Variants in ARHGEF17 observed in about 807,000 individuals in gnomAD.
The protein encoded by ARHGEF17 is Rho guanine nucleotide exchange factor 17, also known as 164 kDa Rho-specific guanine-nucleotide exchange factor.
Under a neutral mutation model 174.0 loss-of-function variants are expected in ARHGEF17, and 80 were observed. The observed-to-expected ratio is 0.46, with a 90% CI of 0.38 to 0.55. The LOEUF (loss-of-function observed/expected upper bound fraction) is 0.55, where lower values mean the gene tolerates loss of function less well. Ranked by LOEUF, ARHGEF17 falls within the 20% of genes least tolerant of loss-of-function variation. ARHGEF17 has a pLI of 0.00. For synonymous variants in ARHGEF17, 1,311 were observed against 1,189.1 expected (o/e 1.10, Z -2.11); for missense variants, 2,886 against 2,839.7 (o/e 1.02, Z -0.37).
At chr11:73,318,026 T>A (rs1489862295) in intron 1 of ARHGEF17, among the ~76,000 whole-genome samples, 2 of 152,088 alleles carry the variant, frequency 1.3e-5, no homozygotes, top group Non-Finnish European at 2.9e-5. Context: ...CACAGAGCTG[T>A]CCATGCTCTT....
intron 1 of ARHGEF17, among the ~76,000 whole-genome samples, chr11:73,340,193 T>C (rs1395262573): frequency 6.6e-6 from 1 of 152,166 alleles, no homozygotes; most frequent in Non-Finnish European, 1.5e-5. Context: ...TTCTCTTTGC[T>C]TCCTTTCATC....
At chr11:73,354,864 G>A (rs74776668) in intron 3 of ARHGEF17, among the ~76,000 whole-genome samples, 11,717 of 152,296 alleles carry the variant, frequency 0.077, 584 homozygotes, top group Non-Finnish European at 0.1. Context: ...TATTTAGTCC[G>A]CCATCAGCAT....
intron 17 of ARHGEF17, 93 bp downstream of exon 17, chr11:73,364,332 C>T (rs1469817192): frequency 1.9e-6 from 3 of 1,599,850 alleles, no homozygotes; most frequent in East Asian, 4.5e-5. Context: ...ACTCCCAGGC[C>T]CTCTGTGGGC....
rs956577976 is a variant in ARHGEF17, at chr11:73,308,827, T to G, written c.189T>G (p.Ser63=). The change falls in exon 1 of 21, where the codon TCT becomes TCG. Residue 63 remains serine, a synonymous_variant. Transcript: ENST00000263674. ...CTCGGCGCGTGTCCAAGCTGGCGTC[T>G]GGGCCCCTGGCCGCCCCCGCGCAGC... ...QPSRRVSKLA[S]GPLAAPAQPR... The G allele has an allele frequency of 1.4e-5, 19 of 1,343,446 alleles. No homozygotes were observed. The African/African-American group carries it at 2.8e-4, about 20-fold the overall frequency. 83.2% of individuals were successfully genotyped at this position (1,343,446 alleles called of 1,614,324 possible).
In ARHGEF17 at chr11:73,310,621, C is replaced by T. The variant is rs1237505458; in HGVS notation, c.1983C>T (p.Gly661=). Residue 661 remains glycine (G), a synonymous_variant, in exon 1 of 21, where the codon GGC becomes GGT. Transcript: ENST00000263674. ...DPEPPVAAFC[G]LGTTGMWRPL... The stretch of plus-strand genomic sequence containing the variant: ...AGCCTCCTGTTGCAGCATTTTGCGG[C>T]CTGGGTACCACAGGGATGTGGCGAC... 2 of 1,614,146 alleles carry T rather than the reference C, an allele frequency of 1.2e-6. No homozygotes were observed. The highest frequency in any genetic ancestry group is 1.1e-5 in the South Asian group (1 of 91,088).
intron 1 of ARHGEF17, among the ~76,000 whole-genome samples, chr11:73,319,358 G>C (rs1049649687): frequency 1.1e-4 from 17 of 151,848 alleles, no homozygotes; most frequent in Non-Finnish European, 1.8e-4. Flanking sequence ...CACTGCGCCC[G>C]GCCTCCTTCC....
At position 73,311,761 on chromosome 11, in the gene ARHGEF17, G is replaced by A. The variant is rs756952842; in HGVS notation, c.3123G>A (p.Lys1041=). 30 of 1,612,484 alleles carry A rather than the reference G, an allele frequency of 1.9e-5. No individual in the cohort carries two copies. In the East Asian group the frequency reaches 6.7e-4, roughly 36 times the overall value. Residue 1041 remains lysine (K), a synonymous_variant, in exon 1 of 21, where the codon AAG becomes AAA. Transcript: ENST00000263674. ...PLAAPPSAEA[K]PPEAARPADE... is the part of the protein sequence containing the mutation. Reference sequence around the variant, plus strand: ...CTGCACCGCCCTCTGCTGAGGCCAAGCCCCCTGAGGCAGCTCGGCCTGCAG... The same window carrying A: ...CTGCACCGCCCTCTGCTGAGGCCAAACCCCCTGAGGCAGCTCGGCCTGCAG...
chr11:73,364,671 C>A (rs1865807239), intron 18 of ARHGEF17, 71 bp downstream of exon 18: 2 of 1,536,032 alleles, frequency 1.3e-6, no homozygotes, highest in Admixed American at 2.1e-5. Context: ...GAGATGGAGA[C>A]CATGGTAGGG....
rs1391405618 is a variant in ARHGEF17, at chr11:73,367,624, T to C, written c.6036T>C (p.Pro2012=). The change falls in exon 21 of 21, where the codon CCT becomes CCC. Residue 2012 remains proline, a synonymous_variant. Coordinates refer to ENST00000263674, the MANE Select transcript of ARHGEF17 (RefSeq NM_014786.4). ...CATCACTGGAGCACCGGGACTCCCC[T>C]TGGCACCGAGGCCCCGCCCCTGCCA... ...KLPSLEHRDS[P]WHRGPAPARP... 1 of 1,613,804 alleles carries C rather than the reference T, an allele frequency of 6.2e-7. No homozygotes were observed. The highest frequency in any genetic ancestry group is 8.5e-7 in the Non-Finnish European group (1 of 1,179,908).
At chr11:73,351,034 C>T (rs931070342) in intron 2 of ARHGEF17, among the ~76,000 whole-genome samples, 1 of 152,150 alleles carries the variant, frequency 6.6e-6, no homozygotes, top group Admixed American at 6.5e-5. Context: ...GCTGTGTGCC[C>T]GCTTCTGTGT....
At chr11:73,350,152 TG>T (rs1865529362) in intron 2 of ARHGEF17, among the ~76,000 whole-genome samples, 1 of 152,270 alleles carries the variant, frequency 6.6e-6, no homozygotes, top group Admixed American at 6.5e-5. Flanking sequence ...ATTTAATCTT[TG>T]TATTAACCTT....
At chr11:73,325,586 C>A (rs985380030) in intron 1 of ARHGEF17, among the ~76,000 whole-genome samples, 1 of 152,230 alleles carries the variant, frequency 6.6e-6, no homozygotes, top group African/African-American at 2.4e-5. Flanking sequence ...ACTTTTCAAT[C>A]CCCAGCAGAT....
rs1376709336 is a variant in ARHGEF17, at chr11:73,347,269, C to T, written c.3270+309C>T. 8 of 475,560 alleles carry T rather than the reference C, an allele frequency of 1.7e-5. No homozygotes were observed. In the East Asian group the frequency reaches 1.7e-4, roughly 10 times the overall value. 29.5% of individuals were successfully genotyped at this position (475,560 alleles called of 1,614,324 possible). Reference sequence around the variant, plus strand: ...GATCCGTGAACTCCCTCTGATGTGCCGCCTCCATTGTATTCACTGACTGGG... The same window carrying T: ...GATCCGTGAACTCCCTCTGATGTGCTGCCTCCATTGTATTCACTGACTGGG... On this transcript the variant is annotated intron_variant, in intron 2 of 20. Coordinates refer to ENST00000263674, the MANE Select transcript of ARHGEF17 (RefSeq NM_014786.4).
At chr11:73,361,278 G>A in intron 12 of ARHGEF17, 117 bp downstream of exon 12, 1 of 913,420 alleles carries the variant, frequency 1.1e-6, no homozygotes, top group Non-Finnish European at 1.7e-6. Context: ...CTTATGTCTT[G>A]GAGAATTCAG....
At chr11:73,367,166 T>C (rs184831433) in intron 20 of ARHGEF17, among the ~76,000 whole-genome samples, 70 of 152,118 alleles carry the variant, frequency 4.6e-4, no homozygotes, top group Non-Finnish European at 8.8e-4. Flanking sequence ...CAGGAAGCAA[T>C]AAAGCCTCGG....
intron 2 of ARHGEF17, among the ~76,000 whole-genome samples, chr11:73,348,392 G>A (rs1865499599): frequency 6.6e-6 from 1 of 152,098 alleles, no homozygotes; most frequent in South Asian, 2.1e-4. Context: ...ATGTGGTGAT[G>A]CAGAAGTGCA....
At chr11:73,335,706 C>T (rs1240046068) in intron 1 of ARHGEF17, among the ~76,000 whole-genome samples, 1 of 152,204 alleles carries the variant, frequency 6.6e-6, no homozygotes, top group Non-Finnish European at 1.5e-5. Flanking sequence ...AGGCTTAATC[C>T]TGAAGCCTGA....
At chr11:73,346,587 G>A (rs1198476743) in intron 1 of ARHGEF17, among the ~76,000 whole-genome samples, 1 of 152,248 alleles carries the variant, frequency 6.6e-6, no homozygotes, top group Non-Finnish European at 1.5e-5. Flanking sequence ...CAATAGCCTG[G>A]CAGAGGAGCC....
intron 7 of ARHGEF17, 128 bp from the exon 8 acceptor site, chr11:73,356,893 TCTGA>T: frequency 6.7e-7 from 1 of 1,495,736 alleles, no homozygotes; most frequent in Non-Finnish European, 9.2e-7. Context: ...CCCACTCTGC[TCTGA>T]CTCTCTGGGA....
Sources: allele counts gnomAD v4.1 joint callset (sites outside exome capture counted in the v4.1 genomes callset), GRCh38; gene constraint gnomAD v4.1.1; transcripts MANE v1.5; gene names NCBI Gene and HGNC (gene_info 2026-07-23, HGNC 2026-07-21).